GNRHR: variants seen among roughly 807,000 people sequenced by gnomAD.
GNRHR encodes the protein gonadotropin-releasing hormone receptor.
In GNRHR, 14 loss-of-function variants were observed where a neutral mutation model predicts 28.1. The observed-to-expected ratio is 0.50, with a 90% CI of 0.33 to 0.78. GNRHR has a LOEUF of 0.78. Among genes scored for constraint, GNRHR ranks in the 30% least tolerant of loss-of-function variants. GNRHR has a pLI of 0.02. For synonymous variants in GNRHR, 141 were observed against 140.5 expected (o/e 1.00, Z -0.02); for missense variants, 366 against 382.1 (o/e 0.96, Z 0.35).
chr4:67,752,799 G>GTT (rs138040976), intron 1 of GNRHR, among the ~76,000 whole-genome samples: 3,090 of 123,266 alleles, frequency 0.025, 71 homozygotes, highest in East Asian at 0.14. Context: ...CTGCATGGCA[G>GTT]TTTTTTTTTG....
At chr4:67,744,477 C>T (rs1459965630) in intron 2 of GNRHR, 91 bp downstream of exon 2, 20 of 777,266 alleles carry the variant, frequency 2.6e-5, no homozygotes. Context: ...CTGCTTAGAA[C>T]AGTATCTGTC....
chr4:67,739,480 T>C lies in GNRHR; in HGVS notation c.*1000A>G, dbSNP rs1286145678. ...TTCCCCTGACATGTTCTGTCTTCTTTGATCTGTACAGACTGAAGCTGTAGT... is the reference window on the plus strand; with the variant it reads ...TTCCCCTGACATGTTCTGTCTTCTTCGATCTGTACAGACTGAAGCTGTAGT... On this transcript the variant is annotated 3_prime_UTR_variant, in exon 3 of 3. Transcript: ENST00000226413. The C allele has an allele frequency of 1.3e-5, 2 of 152,112 alleles. No individual in the cohort carries two copies. Among genetic ancestry groups the C allele is most frequent in the African/African-American group, 4.8e-5 (2 of 41,454 alleles). The allele number at this position is 152,112 out of a possible 1,614,324, so 9.4% of individuals were successfully genotyped here. A position where few individuals can be genotyped will look rare whatever the true frequency, so the allele number is the denominator to read the frequency against.
intron 1 of GNRHR, among the ~76,000 whole-genome samples, chr4:67,749,692 TTCG>T (rs1731831958): frequency 6.9e-6 from 1 of 144,154 alleles, no homozygotes; most frequent in East Asian, 2.6e-4. Flanking sequence ...CCTCCTTTCC[TTCG>T]TTCCTTCCTT....
chr4:67,746,045 C>T (rs1731749075), intron 1 of GNRHR, among the ~76,000 whole-genome samples: 1 of 152,060 alleles, frequency 6.6e-6, no homozygotes, highest in African/African-American at 2.4e-5. Context: ...ACCGGGATAA[C>T]TTATGAGCTC....
intron 1 of GNRHR, among the ~76,000 whole-genome samples, chr4:67,750,775 A>G (rs936266914): frequency 1.3e-5 from 2 of 152,130 alleles, no homozygotes; most frequent in Non-Finnish European, 2.9e-5. Context: ...AAGGATGAAA[A>G]TTAAAGTTAC....
rs1166563354 is a variant in GNRHR at position 67,740,246 on chromosome 4, G to C, written c.*234C>G. 2.1e-6 allele frequency: 1 copy of C among 474,562 alleles called. No individual in the cohort carries two copies. Among genetic ancestry groups the C allele is most frequent in the Non-Finnish European group, 3.8e-6 (1 of 262,014 alleles). 29.4% of individuals were successfully genotyped at this position (474,562 alleles called of 1,614,324 possible). A position where few individuals can be genotyped will look rare whatever the true frequency, so the allele number is the denominator to read the frequency against. On this transcript the variant is annotated 3_prime_UTR_variant, in exon 3 of 3. Coordinates refer to ENST00000226413, the MANE Select transcript of GNRHR (RefSeq NM_000406.3). Reference sequence around the variant, plus strand: ...AATGTGTTATATGAGGTCAGAAAAGGCAGAGATTAATTTAGAAGCTTATGA... The same window carrying C: ...AATGTGTTATATGAGGTCAGAAAAGCCAGAGATTAATTTAGAAGCTTATGA...
rs564350156 is a variant in GNRHR, at chr4:67,740,181, T to C, written c.*299A>G. 3 of 304,062 alleles carry C rather than the reference T, an allele frequency of 9.9e-6. No homozygotes were observed. In the East Asian group the frequency reaches 2.2e-4, roughly 23 times the overall value. The allele number at this position is 304,062 out of a possible 1,614,324, so 18.8% of individuals were successfully genotyped here. A position where few individuals can be genotyped will look rare whatever the true frequency, so the allele number is the denominator to read the frequency against. ...AGGCTGAAGGTATTTTAAATATTAG[T>C]ACATTATTATGCAAAGAGAAAGTGA... On this transcript the variant is annotated 3_prime_UTR_variant, in exon 3 of 3. Coordinates refer to ENST00000226413, the MANE Select transcript of GNRHR (RefSeq NM_000406.3).
At chr4:67,753,131 C>T (rs1261277289) in intron 1 of GNRHR, among the ~76,000 whole-genome samples, 1 of 152,186 alleles carries the variant, frequency 6.6e-6, no homozygotes, top group Non-Finnish European at 1.5e-5. Context: ...AGGGCCTGTG[C>T]CTACTCTGTC....
At chr4:67,742,104 T>C (rs1191361293) in intron 2 of GNRHR, among the ~76,000 whole-genome samples, 1 of 152,200 alleles carries the variant, frequency 6.6e-6, no homozygotes, top group Admixed American at 6.5e-5. Context: ...GGTTTTGGGC[T>C]CTTGGTCAGG....
chr4:67,751,866 A>G (rs1488655992), intron 1 of GNRHR, among the ~76,000 whole-genome samples: 2 of 152,192 alleles, frequency 1.3e-5, no homozygotes, highest in Non-Finnish European at 2.9e-5. Flanking sequence ...CCTAAAGCAA[A>G]TGATTTTACT....
intron 1 of GNRHR, among the ~76,000 whole-genome samples, chr4:67,746,300 T>G (rs942494636): frequency 6.6e-6 from 1 of 152,106 alleles, no homozygotes; most frequent in Admixed American, 6.6e-5. Flanking sequence ...GAAATATGTA[T>G]GATTCTTGTA....
chr4:67,744,272 A>G (rs1047292621), intron 2 of GNRHR, among the ~76,000 whole-genome samples: 7 of 152,220 alleles, frequency 4.6e-5, no homozygotes, highest in African/African-American at 1.7e-4. Flanking sequence ...CTTGCTGCCC[A>G]GCAGAAACCA....
intron 1 of GNRHR, among the ~76,000 whole-genome samples, chr4:67,745,344 C>G (rs1461530943): frequency 6.6e-6 from 1 of 150,620 alleles, no homozygotes; most frequent in African/African-American, 2.4e-5. Flanking sequence ...CTTCCACTGG[C>G]CAAATCTGGG....
intron 1 of GNRHR, among the ~76,000 whole-genome samples, chr4:67,746,922 A>G (rs1731765090): frequency 6.6e-6 from 1 of 152,108 alleles, no homozygotes; most frequent in South Asian, 2.1e-4. Flanking sequence ...CTATCACTCC[A>G]GTCAAGAAAC....
At chr4:67,749,418 C>T (rs369498669) in intron 1 of GNRHR, among the ~76,000 whole-genome samples, 18 of 152,216 alleles carry the variant, frequency 1.2e-4, no homozygotes, top group African/African-American at 3.9e-4. Flanking sequence ...TGAACTCTTT[C>T]TGCAAATAAC....
At chr4:67,742,624 G>A (rs556810017) in intron 2 of GNRHR, among the ~76,000 whole-genome samples, 37 of 152,242 alleles carry the variant, frequency 2.4e-4, no homozygotes, top group Non-Finnish European at 4.0e-4. Context: ...AAGGTAAAAA[G>A]GTGCAATTTT....
chr4:67,749,186 G>A (rs571697872), intron 1 of GNRHR, among the ~76,000 whole-genome samples: 3 of 152,012 alleles, frequency 2.0e-5, no homozygotes, highest in Non-Finnish European at 4.4e-5. Flanking sequence ...AATTTAAACC[G>A]TTGGCCAATG....
At chr4:67,745,166 C>T (rs1285123264) in intron 1 of GNRHR, among the ~76,000 whole-genome samples, 1 of 151,774 alleles carries the variant, frequency 6.6e-6, no homozygotes, top group African/African-American at 2.4e-5. Context: ...AAATGTACCC[C>T]CCAAAATACA....
In GNRHR at chr4:67,737,469, A is replaced by G. The variant is rs561253321; in HGVS notation, c.*3011T>C. Among the ~76,000 whole-genome samples, 210 of 152,132 alleles carry G rather than the reference A, an allele frequency of 1.4e-3. 2 individuals carry two copies. The highest frequency in any genetic ancestry group is 4.9e-3 in the African/African-American group (203 of 41,588). On this transcript the variant is annotated 3_prime_UTR_variant, in exon 3 of 3. Transcript: ENST00000226413. The stretch of plus-strand genomic sequence containing the variant: ...TTGGTTCAATGTAGGAAAGTGGACC[A>G]CAGGTAAAATAGATGGAGTTCTAGA...
Sources: gnomAD v4.1 joint callset for allele counts (sites outside exome capture counted in the v4.1 genomes callset) on GRCh38, gnomAD v4.1.1 for gene constraint, MANE v1.5 for transcripts, NCBI Gene and HGNC (gene_info 2026-07-23, HGNC 2026-07-21) for gene names.